Variants in COL19A1 observed in about 807,000 individuals in gnomAD.
COL19A1 encodes collagen type XIX alpha 1 chain.
Under a neutral mutation model 190.2 loss-of-function variants are expected in COL19A1, and 159 were observed. The ratio of observed to expected loss-of-function variants is 0.84; its 90% CI spans 0.73 to 0.95. The LOEUF is 0.95. Ranked by LOEUF, COL19A1 falls within the 40% of genes least tolerant of loss-of-function variation. The probability of loss-of-function intolerance (pLI) is 0.00; values close to 1 mark genes in which losing one functional copy is unlikely to be tolerated. For synonymous variants in COL19A1, 509 were observed against 458.9 expected (o/e 1.11, Z -1.39); for missense variants, 1,418 against 1,431.9 (o/e 0.99, Z 0.16).
chr6:70,084,241 C>A (rs1469977497), intron 15 of COL19A1, among the ~76,000 whole-genome samples: 3 of 152,044 alleles, frequency 2.0e-5, no homozygotes, highest in Non-Finnish European at 4.4e-5. Flanking sequence ...AGATAACTAA[C>A]TTTAGGATCG....
intron 11 of COL19A1, among the ~76,000 whole-genome samples, chr6:69,999,795 AC>A (rs1254879839): frequency 6.6e-6 from 1 of 152,198 alleles, no homozygotes; most frequent in Non-Finnish European, 1.5e-5. Context: ...TTGGAAAAGA[AC>A]AGTTACGTTG....
intron 18 of COL19A1, among the ~76,000 whole-genome samples, chr6:70,136,260 T>C (rs1376887485): frequency 6.6e-6 from 1 of 152,192 alleles, no homozygotes; most frequent in Non-Finnish European, 1.5e-5. Flanking sequence ...AGTAAATTTA[T>C]ACTTGAAGCA....
intron 11 of COL19A1, among the ~76,000 whole-genome samples, chr6:69,993,738 G>C (rs1582631124): frequency 6.6e-6 from 1 of 151,926 alleles, no homozygotes; most frequent in Non-Finnish European, 1.5e-5. Context: ...TCTAGTTTGT[G>C]TGCCTAGAGG....
chr6:69,896,602 AT>A (rs1293506515), intron 2 of COL19A1, among the ~76,000 whole-genome samples: 1 of 149,676 alleles, frequency 6.7e-6, no homozygotes, highest in African/African-American at 2.5e-5. Context: ...AAGTGTACTA[AT>A]TTCCACTCCT....
chr6:70,091,756 G>T (rs537424863), intron 15 of COL19A1, among the ~76,000 whole-genome samples: 1 of 143,470 alleles, frequency 7.0e-6, no homozygotes, highest in Non-Finnish European at 1.5e-5. Context: ...AGAATCTGGC[G>T]ACTGACCAAC....
intron 14 of COL19A1, among the ~76,000 whole-genome samples, chr6:70,042,200 G>A (rs1408047107): frequency 6.6e-6 from 1 of 152,106 alleles, no homozygotes; most frequent in Non-Finnish European, 1.5e-5. Flanking sequence ...TTGGGGTTAG[G>A]GACCAGGATA....
intron 15 of COL19A1, among the ~76,000 whole-genome samples, chr6:70,074,018 C>T (rs903570125): frequency 6.6e-6 from 1 of 152,126 alleles, no homozygotes; most frequent in Admixed American, 6.5e-5. Flanking sequence ...TCTATGAAAT[C>T]AACACATACA....
chr6:70,161,299 C>T lies in COL19A1; in HGVS notation c.2293-601C>T, dbSNP rs61066248. The stretch of plus-strand genomic sequence containing the variant: ...GTGTAATCATCTATTTCTTCAATGG[C>T]ATTCTGCCAATCTAAAATTTGTATT... On this transcript the variant is annotated intron_variant, in intron 34 of 50. Transcript: ENST00000620364. Among the ~76,000 whole-genome samples, 412 of 152,278 alleles carry T rather than the reference C, an allele frequency of 2.7e-3. 3 individuals are homozygous for T. Among genetic ancestry groups the T allele is most frequent in the African/African-American group, 9.5e-3 (395 of 41,564 alleles).
At position 70,191,233 on chromosome 6, in the gene COL19A1, C is replaced by A. The variant is rs545791105; in HGVS notation, c.3094+852C>A. Among the ~76,000 whole-genome samples the A allele has an allele frequency of 2.0e-5, 3 of 152,262 alleles. No homozygotes were observed. In the South Asian group the frequency reaches 6.2e-4, roughly 32 times the overall value. ...ATTCTGTTGATTCATTACGAGTTTT[C>A]AGTTAACTAACAGCCCTGGATCTTC... On this transcript the variant is annotated intron_variant, in intron 48 of 50. Coordinates refer to ENST00000620364, the MANE Select transcript of COL19A1 (RefSeq NM_001858.6).
At chr6:70,121,809 G>C in intron 16 of COL19A1, 71 bp from the exon 17 acceptor site, 1 of 960,026 alleles carries the variant, frequency 1.0e-6, no homozygotes, top group Non-Finnish European at 1.6e-6. Context: ...AGAGTTCTTA[G>C]ATATGTTATT....
chr6:69,981,495 T>C (rs1776028704), intron 11 of COL19A1, among the ~76,000 whole-genome samples: 1 of 152,124 alleles, frequency 6.6e-6, no homozygotes, highest in Admixed American at 6.5e-5. Flanking sequence ...TAACTTATGA[T>C]GACATAAGTT....
intron 14 of COL19A1, among the ~76,000 whole-genome samples, chr6:70,058,394 A>T (rs1007728842): frequency 1.3e-4 from 20 of 152,020 alleles, no homozygotes; most frequent in African/African-American, 4.8e-4. Flanking sequence ...ACAATTGGTA[A>T]TGATTGAATC....
intron 16 of COL19A1, among the ~76,000 whole-genome samples, chr6:70,111,612 T>A (rs775293621): frequency 6.6e-6 from 1 of 152,192 alleles, no homozygotes; most frequent in Non-Finnish European, 1.5e-5. Flanking sequence ...ACTGATTACT[T>A]CTTCACTGGC....
chr6:69,977,960 G>T (rs1381717219), intron 11 of COL19A1, among the ~76,000 whole-genome samples: 2 of 151,980 alleles, frequency 1.3e-5, no homozygotes, highest in African/African-American at 4.8e-5. Context: ...AAATTTTACT[G>T]ATCTAAATTT....
At chr6:69,910,588 T>A (rs1384500637) in intron 4 of COL19A1, among the ~76,000 whole-genome samples, 1 of 152,214 alleles carries the variant, frequency 6.6e-6, no homozygotes, top group African/African-American at 2.4e-5. Context: ...AATGTTCTCA[T>A]AAAGTAATGA....
intron 1 of COL19A1, among the ~76,000 whole-genome samples, chr6:69,872,992 G>T (rs1193892888): frequency 6.6e-6 from 1 of 152,226 alleles, no homozygotes; most frequent in Non-Finnish European, 1.5e-5. Flanking sequence ...TAGTCAGGCA[G>T]ACTTGGACTT....
At chr6:69,868,881 G>T (rs1767645285) in intron 1 of COL19A1, among the ~76,000 whole-genome samples, 1 of 152,188 alleles carries the variant, frequency 6.6e-6, no homozygotes, top group Non-Finnish European at 1.5e-5. Flanking sequence ...CAGAGTCAAT[G>T]GTTCTAGAGG....
rs546061380 is a variant in COL19A1, at chr6:69,977,290, A to G, written c.1026+14420A>G. Reference sequence around the variant, plus strand: ...GACATGGATGAAGCTGGAAACCATCATTCTCAGCAAACTATCTCAAGGACA... The same window carrying G: ...GACATGGATGAAGCTGGAAACCATCGTTCTCAGCAAACTATCTCAAGGACA... On this transcript the variant is annotated intron_variant, in intron 11 of 50. Transcript: ENST00000620364. Among the ~76,000 whole-genome samples, 5 of 152,130 alleles carry G rather than the reference A, an allele frequency of 3.3e-5. No homozygotes were observed. In the East Asian group the frequency reaches 9.7e-4, roughly 29 times the overall value.
intron 6 of COL19A1, among the ~76,000 whole-genome samples, chr6:69,932,306 AT>A (rs1358706611): frequency 6.6e-6 from 1 of 151,822 alleles, no homozygotes; most frequent in South Asian, 2.1e-4. Flanking sequence ...TAGATAAAAA[AT>A]TTTTTTTCCT....
Sources: allele counts gnomAD v4.1 joint callset (sites outside exome capture counted in the v4.1 genomes callset), GRCh38; gene constraint gnomAD v4.1.1; transcripts MANE v1.5; gene names NCBI Gene and HGNC (gene_info 2026-07-23, HGNC 2026-07-21).